The following PSMB2 variants were observed in gnomAD, a reference collection of about 807,000 sequenced individuals.
PSMB2 encodes proteasome subunit beta type-2.
PSMB2 carries 13 observed loss-of-function variants against 25.7 expected under a neutral mutation model. The observed-to-expected ratio is 0.51, with a 90% CI of 0.33 to 0.80. The LOEUF is 0.80. PSMB2 is among the 30% of genes least tolerant of loss of function. PSMB2 has a pLI of 0.02. For synonymous variants in PSMB2, 87 were observed against 96.2 expected (o/e 0.90, Z 0.56); for missense variants, 202 against 259.0 (o/e 0.78, Z 1.51).
In PSMB2 at chr1:35,629,877, CCA is replaced by C. The variant is rs556240845; in HGVS notation, c.285+1395_285+1396del. 1.2e-4 allele frequency among the ~76,000 whole-genome samples: 18 copies of C among 152,114 alleles called. No individual in the cohort carries two copies. In the South Asian group the frequency reaches 3.7e-3, roughly 32 times the overall value. On this transcript the variant is annotated intron_variant, in intron 3 of 5. Coordinates refer to ENST00000373237, the MANE Select transcript of PSMB2 (RefSeq NM_002794.5). ...AGATAAGCAATCTCGAGATAAAAAT[CCA>C]CATTACCGGCCAGGTGCGGTGGCTC... is the stretch of plus-strand genomic sequence containing the variant.
At chr1:35,621,974 C>T (rs558170940) in intron 3 of PSMB2, among the ~76,000 whole-genome samples, 33 of 151,784 alleles carry the variant, frequency 2.2e-4, no homozygotes, top group East Asian at 7.7e-4. Flanking sequence ...CCAGCCTGGG[C>T]GACAGAGCGA....
At chr1:35,629,396 T>C (rs979314305) in intron 3 of PSMB2, among the ~76,000 whole-genome samples, 4 of 152,254 alleles carry the variant, frequency 2.6e-5, no homozygotes, top group African/African-American at 9.6e-5. Context: ...CTTAACTTAG[T>C]GTTGCATCTT....
chr1:35,603,407 A>G (rs1320793624), intron 5 of PSMB2, 33 bp from the exon 6 acceptor site: 1 of 1,611,134 alleles, frequency 6.2e-7, no homozygotes, highest in East Asian at 2.2e-5. Context: ...TCAGTCAACA[A>G]ATGATTACTA....
rs959499645 is a variant in PSMB2, at chr1:35,601,100, T to C, written c.*2167A>G. 1.0e-4 allele frequency: 96 copies of C among 946,444 alleles called. No homozygotes were observed. The highest frequency in any genetic ancestry group is 5.5e-4 in the Middle Eastern group (1 of 1,828). The allele number at this position is 946,444 out of a possible 1,614,324, so 58.6% of individuals were successfully genotyped here. A position where few individuals can be genotyped will look rare whatever the true frequency, so the allele number is the denominator to read the frequency against. ...TTTTTTTTTTGAGACAGAGTCTTGCTCTGTCAGCCAGGCTGGAGTGCAGTG... is the reference window on the plus strand; with the variant it reads ...TTTTTTTTTTGAGACAGAGTCTTGCCCTGTCAGCCAGGCTGGAGTGCAGTG... On this transcript the variant is annotated 3_prime_UTR_variant, in exon 6 of 6. Coordinates refer to ENST00000373237, the MANE Select transcript of PSMB2 (RefSeq NM_002794.5).
chr1:35,615,613 G>A (rs942751526), intron 3 of PSMB2, among the ~76,000 whole-genome samples: 27 of 152,204 alleles, frequency 1.8e-4, no homozygotes, highest in South Asian at 2.1e-4. Context: ...GACATCTGGC[G>A]GAAGCTAAAG....
Position 35,600,500 on chromosome 1 carries a change from A to ATTT in PSMB2, c.*2766_*2767insAAA, listed in dbSNP as rs1649958352. 2.0e-6 allele frequency: 2 copies of ATTT among 980,272 alleles called. No individual in the cohort carries two copies. Among genetic ancestry groups the ATTT allele is most frequent in the Non-Finnish European group, 2.4e-6 (2 of 825,346 alleles). 60.7% of individuals were successfully genotyped at this position (980,272 alleles called of 1,614,324 possible). ...TTCTGTAAAACCAAATTTATTCCAA[A>ATTT]ATAAAACATTTATTAAAAATAAATG... On this transcript the variant is annotated 3_prime_UTR_variant, in exon 6 of 6. Transcript: ENST00000373237.
At chr1:35,628,645 T>C (rs1650990587) in intron 3 of PSMB2, among the ~76,000 whole-genome samples, 1 of 93,160 alleles carries the variant, frequency 1.1e-5, no homozygotes, top group African/African-American at 3.8e-5. Context: ...TTTTTTTTTT[T>C]TTTAAAGAAA....
chr1:35,600,942 C>T lies in PSMB2; in HGVS notation c.*2325G>A, dbSNP rs1218498251. ...TACTTCATGGAATTCTCATATCTAC[C>T]ACATAGAATAGGTGCTATTTCAGTC... is the stretch of plus-strand genomic sequence containing the variant. On this transcript the variant is annotated 3_prime_UTR_variant, in exon 6 of 6. Coordinates refer to ENST00000373237, the MANE Select transcript of PSMB2 (RefSeq NM_002794.5). The T allele has an allele frequency of 2.0e-6, 2 of 984,728 alleles. No homozygotes were observed. The highest frequency in any genetic ancestry group is 3.5e-5 in the African/African-American group (2 of 57,172). The allele number at this position is 984,728 out of a possible 1,614,324, so 61.0% of individuals were successfully genotyped here.
chr1:35,640,052 GTACTATAATATACTATACTA>G (rs1282473076), intron 1 of PSMB2, among the ~76,000 whole-genome samples: 7 of 9,408 alleles, frequency 7.4e-4, no homozygotes, highest in African/African-American at 1.1e-3. Flanking sequence ...TTGCCCCTAA[GTACTATAATATACTATACTA>G]TACTATACTA....
intron 3 of PSMB2, among the ~76,000 whole-genome samples, chr1:35,628,922 T>A (rs1375817799): frequency 2.6e-5 from 4 of 151,976 alleles, no homozygotes; most frequent in Non-Finnish European, 5.9e-5. Flanking sequence ...AGATGAAAAC[T>A]CAAACCATAA....
chr1:35,631,874 A>T (rs558018524), intron 2 of PSMB2, among the ~76,000 whole-genome samples: 16 of 152,098 alleles, frequency 1.1e-4, no homozygotes, highest in South Asian at 4.1e-4. Flanking sequence ...ATTTTTTTTT[A>T]AATTTCTAGG....
chr1:35,615,972 T>C (rs1418667851), intron 3 of PSMB2, among the ~76,000 whole-genome samples: 3 of 152,226 alleles, frequency 2.0e-5, no homozygotes, highest in Admixed American at 2.0e-4. Context: ...ATCTGCTATT[T>C]CTTTTAGTCC....
chr1:35,641,144 C>A (rs1651383924), intron 1 of PSMB2, among the ~76,000 whole-genome samples, 198 bp downstream of exon 1: 1 of 152,210 alleles, frequency 6.6e-6, no homozygotes, highest in Admixed American at 6.5e-5. Context: ...AAGCCGAGAT[C>A]GCGCCATTGC....
chr1:35,617,178 A>T (rs1270103252), intron 3 of PSMB2, among the ~76,000 whole-genome samples: 1 of 152,122 alleles, frequency 6.6e-6, no homozygotes, highest in East Asian at 1.9e-4. Flanking sequence ...CCTCTGGAGT[A>T]GCTGGTATAA....
chr1:35,636,225 G>C, intron 2 of PSMB2, 85 bp downstream of exon 2: 1 of 1,510,602 alleles, frequency 6.6e-7, no homozygotes, highest in Non-Finnish European at 9.1e-7. Context: ...ATACATTTCT[G>C]TTGTTTAAGC....
At chr1:35,619,770 T>C (rs1385243674) in intron 3 of PSMB2, among the ~76,000 whole-genome samples, 1 of 152,246 alleles carries the variant, frequency 6.6e-6, no homozygotes, top group Non-Finnish European at 1.5e-5. Flanking sequence ...AGTTTAGAAA[T>C]TTAATGAGTT....
intron 4 of PSMB2, among the ~76,000 whole-genome samples, chr1:35,607,431 C>T (rs1321201876): frequency 6.6e-6 from 1 of 152,188 alleles, no homozygotes; most frequent in Non-Finnish European, 1.5e-5. Flanking sequence ...AAATTCTCAA[C>T]ATCACTAATC....
intron 3 of PSMB2, among the ~76,000 whole-genome samples, chr1:35,614,954 T>C (rs74524529): frequency 0.02 from 3,077 of 152,314 alleles, 91 homozygotes; most frequent in East Asian, 0.061. Flanking sequence ...TTAGGTCATT[T>C]TGAGATTTCT....
chr1:35,627,696 A>G (rs1650906893), intron 3 of PSMB2, among the ~76,000 whole-genome samples: 1 of 152,230 alleles, frequency 6.6e-6, no homozygotes, highest in South Asian at 2.1e-4. Context: ...AATCTTCATA[A>G]TAACTTTTTG....
Sources: allele counts gnomAD v4.1 joint callset (sites outside exome capture counted in the v4.1 genomes callset), GRCh38; gene constraint gnomAD v4.1.1; transcripts MANE v1.5; gene names NCBI Gene and HGNC (gene_info 2026-07-23, HGNC 2026-07-21).